Variants in GAB3 observed in about 807,000 individuals in gnomAD.
GAB3 encodes GRB2 associated binding protein 3, also known as GRB2-associated-binding protein 3.
Under a neutral mutation model 40.4 loss-of-function variants are expected in GAB3, and 12 were observed. The observed-to-expected ratio is 0.30, with a 90% confidence interval of 0.19 to 0.48. GAB3 has a LOEUF of 0.48. GAB3 is among the 20% of genes least tolerant of loss of function. The pLI, the probability that GAB3 is intolerant of heterozygous loss-of-function variation, is 0.99. For missense variants in GAB3, 381 were observed against 461.9 expected (o/e 0.82, Z 1.61); for synonymous variants, 154 against 176.7 (o/e 0.87, Z 1.02).
intron 6 of GAB3, 131 bp downstream of exon 6, chrX:154,699,163 C>CCTGGG (rs1776869740): frequency 3.7e-6 from 2 of 534,422 alleles, no homozygotes; most frequent in Non-Finnish European, 6.4e-6. Context: ...CCAGCCACTT[C>CCTGGG]TTTCCTGACC....
At chrX:154,743,256 A>C (rs1360322171) in intron 1 of GAB3, among the ~76,000 whole-genome samples, 3 of 110,644 alleles carry the variant, frequency 2.7e-5, no homozygotes, top group Non-Finnish European at 3.8e-5. Flanking sequence ...TTCTATGCCC[A>C]GTGAAAATAT....
chrX:154,701,771 C>T (rs2070742948), intron 4 of GAB3, among the ~76,000 whole-genome samples: 2 of 111,727 alleles, frequency 1.8e-5, no homozygotes, highest in South Asian at 7.4e-4. Context: ...AATAGCCACA[C>T]AAAAACTTAA....
chrX:154,735,546 C>T (rs2071354239), intron 1 of GAB3, among the ~76,000 whole-genome samples: 1 of 112,153 alleles, frequency 8.9e-6, no homozygotes, highest in Admixed American at 9.4e-5. Context: ...GAATTCTCGA[C>T]TCCTTTCTTT....
At chrX:154,718,323 A>G (rs954197814) in intron 1 of GAB3, among the ~76,000 whole-genome samples, 9 of 108,530 alleles carry the variant, frequency 8.3e-5, no homozygotes, top group African/African-American at 3.0e-4. Context: ...CAGTCACTCC[A>G]TGTCAGGTTG....
chrX:154,745,310 T>C (rs1449163156), intron 1 of GAB3, among the ~76,000 whole-genome samples: 1 of 106,083 alleles, frequency 9.4e-6, no homozygotes, highest in Non-Finnish European at 1.9e-5. Flanking sequence ...CCAGCCTGGG[T>C]GACAATGCGA....
At position 154,732,457 on chromosome X, in the gene GAB3, C is replaced by G. The variant is rs2071305426; in HGVS notation, c.73-16128G>C. On this transcript the variant is annotated intron_variant, in intron 1 of 9. Coordinates refer to ENST00000424127, the MANE Select transcript of GAB3 (RefSeq NM_001081573.3). ...TCTTGTTGAATTAATTAATGAATCT[C>G]TATCTCATTCCACATATAATAAAAA... Among the ~76,000 whole-genome samples the G allele has an allele frequency of 6.3e-5, 7 of 111,866 alleles. No homozygotes were observed. The Admixed American group carries it at 6.6e-4, about 11-fold the overall frequency.
At chrX:154,731,201 AAT>A (rs1557259934) in intron 1 of GAB3, among the ~76,000 whole-genome samples, 1 of 112,170 alleles carries the variant, frequency 8.9e-6, no homozygotes, top group Non-Finnish European at 1.9e-5. Flanking sequence ...GAGGGTCACT[AAT>A]ATGTTAGGTC....
At chrX:154,734,757 C>T (rs934448229) in intron 1 of GAB3, among the ~76,000 whole-genome samples, 2 of 112,088 alleles carry the variant, frequency 1.8e-5, no homozygotes, top group Non-Finnish European at 3.8e-5. Flanking sequence ...TCCACTCTAA[C>T]GCTTGCCCTT....
At chrX:154,707,938 A>C (rs1557254095) in intron 4 of GAB3, among the ~76,000 whole-genome samples, 3 of 112,325 alleles carry the variant, frequency 2.7e-5, no homozygotes, top group African/African-American at 9.7e-5. Context: ...TATTAATAAG[A>C]GATATGTAAA....
intron 1 of GAB3, among the ~76,000 whole-genome samples, chrX:154,732,150 A>G (rs936410201): frequency 2.7e-5 from 3 of 112,238 alleles, no homozygotes; most frequent in Non-Finnish European, 3.8e-5. Context: ...CTCATTCCAC[A>G]TGAAGAAAAG....
chrX:154,734,219 G>A (rs2071333718), intron 1 of GAB3, among the ~76,000 whole-genome samples: 1 of 112,833 alleles, frequency 8.9e-6, no homozygotes, highest in South Asian at 3.6e-4. Flanking sequence ...TCATGACTTA[G>A]TGGTGAAATA....
intron 1 of GAB3, among the ~76,000 whole-genome samples, chrX:154,745,250 T>G (rs2071508483): frequency 9.1e-6 from 1 of 110,096 alleles, no homozygotes; most frequent in Non-Finnish European, 1.9e-5. Flanking sequence ...GAGAATTGCT[T>G]GAACCCAGGA....
intron 4 of GAB3, among the ~76,000 whole-genome samples, chrX:154,710,072 AATGCAT>A (rs782518007): frequency 8.9e-6 from 1 of 112,069 alleles, no homozygotes; most frequent in Non-Finnish European, 1.9e-5. Flanking sequence ...ATCAGTACAT[AATGCAT>A]ATGCATATCA....
chrX:154,742,997 TATATATATATATGTACACACAC>T (rs1392446838), intron 1 of GAB3, among the ~76,000 whole-genome samples: 2 of 104,910 alleles, frequency 1.9e-5, no homozygotes, highest in African/African-American at 6.9e-5. Context: ...TATATATATA[TATATATATATATGTACACACAC>T]ATACACACAC....
At chrX:154,710,585 G>A (rs1313742120) in intron 4 of GAB3, among the ~76,000 whole-genome samples, 1 of 111,437 alleles carries the variant, frequency 9.0e-6, no homozygotes, top group African/African-American at 3.3e-5. Context: ...AGATCCAGAT[G>A]GACAAAAACG....
rs1365773904 is a variant in GAB3, at chrX:154,701,537, G to C, written c.1070-1478C>G. Among the ~76,000 whole-genome samples, 3 of 112,124 alleles carry C rather than the reference G, an allele frequency of 2.7e-5. No homozygotes were observed. The Admixed American group carries it at 2.8e-4, about 11-fold the overall frequency. On this transcript the variant is annotated intron_variant, in intron 4 of 9. Transcript: ENST00000424127. ...ATGCCCTTGGGCCTTAAGGGAACAT[G>C]GGCAGACAGTACTCCCCATGGCCTG...
At chrX:154,710,286 C>T (rs1318543439) in intron 4 of GAB3, among the ~76,000 whole-genome samples, 1 of 111,717 alleles carries the variant, frequency 9.0e-6, no homozygotes, top group African/African-American at 3.3e-5. Context: ...CCTCAAATCC[C>T]CAATATATTT....
At chrX:154,706,043 GT>G (rs2070802500) in intron 4 of GAB3, among the ~76,000 whole-genome samples, 1 of 111,815 alleles carries the variant, frequency 8.9e-6, no homozygotes, top group Non-Finnish European at 1.9e-5. Flanking sequence ...TGAAAGACCT[GT>G]ACAATGAAAA....
chrX:154,720,552 G>A (rs1164117016), intron 1 of GAB3, among the ~76,000 whole-genome samples: 4 of 106,572 alleles, frequency 3.8e-5, no homozygotes, highest in African/African-American at 1.4e-4. Context: ...CGTGAACCCC[G>A]GGGGGCGGAG....
Sources: gnomAD v4.1 joint callset for allele counts (sites outside exome capture counted in the v4.1 genomes callset) on GRCh38, gnomAD v4.1.1 for gene constraint, MANE v1.5 for transcripts, NCBI Gene and HGNC (gene_info 2026-07-23, HGNC 2026-07-21) for gene names.